Variants in ITGBL1 observed in about 807,000 individuals in gnomAD.
ITGBL1 encodes integrin beta-like protein 1.
A neutral mutation model predicts 68.5 loss-of-function variants in ITGBL1; 51 were observed. The observed-to-expected ratio is 0.74, with a 90% CI of 0.59 to 0.94. The LOEUF is 0.94. Among genes scored for constraint, ITGBL1 ranks in the 40% least tolerant of loss-of-function variants. The probability of loss-of-function intolerance (pLI) is 0.00; values close to 1 mark genes in which losing one functional copy is unlikely to be tolerated. For synonymous variants in ITGBL1, 209 were observed against 227.3 expected, an observed-to-expected ratio of 0.92 and a Z score of 0.72; for missense variants, 649 against 647.4, an observed-to-expected ratio of 1.00 and a Z score of -0.03.
intron 2 of ITGBL1, among the ~76,000 whole-genome samples, chr13:101,566,111 A>T (rs1442549538): frequency 6.6e-6 from 1 of 152,150 alleles, no homozygotes; most frequent in Non-Finnish European, 1.5e-5. Flanking sequence ...ATAATGCTTT[A>T]TCTTCTAAAT....
At chr13:101,540,748 T>C (rs1169961367) in intron 2 of ITGBL1, among the ~76,000 whole-genome samples, 1 of 151,972 alleles carries the variant, frequency 6.6e-6, no homozygotes, top group Non-Finnish European at 1.5e-5. Context: ...GGTTTGTAGT[T>C]CTCCTTGAAG....
intron 8 of ITGBL1, among the ~76,000 whole-genome samples, chr13:101,701,235 C>G (rs2034129261): frequency 6.6e-6 from 1 of 152,094 alleles, no homozygotes; most frequent in African/African-American, 2.4e-5. Flanking sequence ...AATAGATTAG[C>G]TAATAATAAA....
chr13:101,640,486 C>G (rs1181395981), intron 7 of ITGBL1, among the ~76,000 whole-genome samples: 1 of 152,120 alleles, frequency 6.6e-6, no homozygotes, highest in Non-Finnish European at 1.5e-5. Context: ...TTTTTACTAC[C>G]TGAAATCTCA....
Position 101,639,318 on chromosome 13 carries a change from A to G in ITGBL1, c.1015+41019A>G, listed in dbSNP as rs565662139. ...AAAGTTTTCTTTTGTTCTGAAATTCATGGGATAAAATAATTGCTTGAATAA... is the reference window on the plus strand; with the variant it reads ...AAAGTTTTCTTTTGTTCTGAAATTCGTGGGATAAAATAATTGCTTGAATAA... On this transcript the variant is annotated intron_variant, in intron 7 of 10. Transcript: ENST00000376180. Among the ~76,000 whole-genome samples, 25 of 152,300 alleles carry G rather than the reference A, an allele frequency of 1.6e-4. No individual in the cohort carries two copies. The South Asian group carries it at 5.0e-3, about 30-fold the overall frequency.
chr13:101,642,961 C>A (rs1371050338), intron 7 of ITGBL1, among the ~76,000 whole-genome samples: 3 of 148,960 alleles, frequency 2.0e-5, no homozygotes, highest in African/African-American at 4.9e-5. Flanking sequence ...GTTTTGGTTA[C>A]TGTAGCCTTG....
intron 7 of ITGBL1, among the ~76,000 whole-genome samples, chr13:101,598,683 G>A (rs1023550058): frequency 1.7e-4 from 26 of 152,030 alleles, no homozygotes; most frequent in Admixed American, 1.3e-3. Flanking sequence ...AGAATATGCC[G>A]TGTTTGGTTT....
At chr13:101,711,388 C>T (rs760759445) in intron 9 of ITGBL1, 1 of 152,402 alleles carries the variant, frequency 6.6e-6, no homozygotes, top group Non-Finnish European at 1.5e-5. Flanking sequence ...CACCCACAAC[C>T]TGTCCCACAT....
intron 2 of ITGBL1, among the ~76,000 whole-genome samples, chr13:101,528,352 ATTAC>A (rs977594222): frequency 9.2e-5 from 14 of 151,680 alleles, no homozygotes; most frequent in African/African-American, 3.1e-4. Context: ...TAATTTGTTT[ATTAC>A]TTGTGTTTTT....
At chr13:101,638,106 A>G (rs572120656) in intron 7 of ITGBL1, among the ~76,000 whole-genome samples, 2 of 152,294 alleles carry the variant, frequency 1.3e-5, no homozygotes, top group East Asian at 3.9e-4. Flanking sequence ...ACACAACTGC[A>G]GAGTTTTTTG....
intron 2 of ITGBL1, among the ~76,000 whole-genome samples, chr13:101,468,632 G>T (rs1594827687): frequency 6.6e-6 from 1 of 152,270 alleles, no homozygotes; most frequent in East Asian, 1.9e-4. Flanking sequence ...ATAATTTTCA[G>T]AAACTTTATT....
intron 2 of ITGBL1, among the ~76,000 whole-genome samples, chr13:101,531,812 A>T (rs1488672959): frequency 1.3e-5 from 2 of 151,558 alleles, no homozygotes; most frequent in African/African-American, 4.9e-5. Flanking sequence ...GACTCACTGC[A>T]AGCTCCGCCT....
chr13:101,454,113 C>T lies in ITGBL1; in HGVS notation c.316+13C>T, dbSNP rs2297701. 224,051 of 1,519,546 alleles carry T rather than the reference C, an allele frequency of 0.15. 19,666 individuals carry two copies. The highest frequency in any genetic ancestry group is 0.41 in the East Asian group (16,174 of 39,252). The allele number at this position is 1,519,546 out of a possible 1,614,324, so 94.1% of individuals were successfully genotyped here. Reference sequence around the variant, plus strand: ...AGCACCTGTGCAGGTAAGAGGGCGGCGCTGTCTCCTCCCTCGGGAGGTCGA... The same window carrying T: ...AGCACCTGTGCAGGTAAGAGGGCGGTGCTGTCTCCTCCCTCGGGAGGTCGA... On this transcript the variant is annotated intron_variant, in intron 2 of 10. Transcript: ENST00000376180.
intron 7 of ITGBL1, among the ~76,000 whole-genome samples, chr13:101,639,128 A>G (rs1422203892): frequency 2.0e-5 from 3 of 152,132 alleles, no homozygotes; most frequent in Non-Finnish European, 4.4e-5. Flanking sequence ...CTACACATCA[A>G]CCTTTCCTAC....
At chr13:101,581,542 G>A (rs1022063272) in intron 5 of ITGBL1, among the ~76,000 whole-genome samples, 1 of 152,044 alleles carries the variant, frequency 6.6e-6, no homozygotes, top group Non-Finnish European at 1.5e-5. Context: ...TACTGCACGT[G>A]CTGATTTGTA....
intron 7 of ITGBL1, among the ~76,000 whole-genome samples, chr13:101,656,488 T>C (rs571892995): frequency 1.5e-4 from 23 of 152,274 alleles, no homozygotes; most frequent in African/African-American, 5.5e-4. Flanking sequence ...AGCCACAATA[T>C]ATAGGGTTAA....
chr13:101,671,432 T>TTTTG (rs2033361524), intron 7 of ITGBL1, among the ~76,000 whole-genome samples: 2 of 70,416 alleles, frequency 2.8e-5, no homozygotes, highest in Non-Finnish European at 5.9e-5. Context: ...CTTTGTTTTT[T>TTTTG]TTTTGTTTTT....
intron 2 of ITGBL1, among the ~76,000 whole-genome samples, chr13:101,490,961 T>C (rs958346695): frequency 3.9e-5 from 6 of 152,200 alleles, no homozygotes; most frequent in Non-Finnish European, 7.3e-5. Flanking sequence ...CAGACTGGTC[T>C]CATTGTTAAT....
At chr13:101,667,767 T>C (rs896778915) in intron 7 of ITGBL1, among the ~76,000 whole-genome samples, 5 of 152,152 alleles carry the variant, frequency 3.3e-5, no homozygotes, top group Admixed American at 2.6e-4. Context: ...TATGTGTGTT[T>C]AGACACATAT....
At chr13:101,520,273 A>G (rs1454718807) in intron 2 of ITGBL1, among the ~76,000 whole-genome samples, 3 of 152,228 alleles carry the variant, frequency 2.0e-5, no homozygotes, top group Admixed American at 6.5e-5. Flanking sequence ...ATAAGATGTT[A>G]GAATCAGTGG....
Sources: gnomAD v4.1 joint callset for allele counts (sites outside exome capture counted in the v4.1 genomes callset) on GRCh38, gnomAD v4.1.1 for gene constraint, MANE v1.5 for transcripts, NCBI Gene and HGNC (gene_info 2026-07-23, HGNC 2026-07-21) for gene names.